The following ATP13A3 variants were observed in gnomAD, a reference collection of about 807,000 sequenced individuals.
The protein encoded by ATP13A3 is ATPase 13A3, also known as polyamine-transporting ATPase 13A3.
A neutral mutation model predicts 158.1 loss-of-function variants in ATP13A3; 59 were observed. That is an observed-to-expected ratio of 0.37 (90% confidence interval 0.30 to 0.46). The LOEUF is 0.46. ATP13A3 is among the 20% of genes least tolerant of loss of function. The pLI is 1.00. For missense variants in ATP13A3, 1,166 were observed against 1,525.2 expected (o/e 0.76, Z 3.92); for synonymous variants, 491 against 504.3 (o/e 0.97, Z 0.35).
chr3:194,472,248 A>G (rs529429329), intron 2 of ATP13A3, among the ~76,000 whole-genome samples: 4 of 150,610 alleles, frequency 2.7e-5, no homozygotes, highest in Admixed American at 2.0e-4. Flanking sequence ...AAATGTTAAT[A>G]AAAGTTTTGT....
chr3:194,467,437 T>C (rs1720060308), intron 2 of ATP13A3, among the ~76,000 whole-genome samples: 1 of 152,208 alleles, frequency 6.6e-6, no homozygotes, highest in Non-Finnish European at 1.5e-5. Context: ...ACCATTACTC[T>C]TTTTATGAGT....
Position 194,450,276 on chromosome 3 carries a change from T to G in ATP13A3, c.839A>C (p.Glu280Ala). 7 of 1,610,488 alleles carry G rather than the reference T, an allele frequency of 4.3e-6. No homozygotes were observed. The highest frequency in any genetic ancestry group is 5.9e-6 in the Non-Finnish European group (7 of 1,177,694). Reference protein sequence around the residue: ...VRVSVCRVNEEIEEIFSTDLV... With the variant: ...VRVSVCRVNEAIEEIFSTDLV... ...GTCGGTAGAAAAGATTTCTTCTATT[T>G]CTGAAATTAAAGAAAGAAAGAAAAA... Residue 280 changes from glutamate (E) to alanine (A), a missense_variant and splice_region_variant, in exon 11 of 34, where the codon GAA becomes GCA. By Grantham distance (107) the Glu-to-Ala change is moderately radical. Coordinates refer to ENST00000645319, the MANE Select transcript of ATP13A3 (RefSeq NM_001367549.1).
At chr3:194,455,237 A>G (rs1424039049) in intron 8 of ATP13A3, among the ~76,000 whole-genome samples, 1 of 151,696 alleles carries the variant, frequency 6.6e-6, no homozygotes, top group African/African-American at 2.4e-5. Context: ...AAAAGAGATA[A>G]AGGGAGACCT....
chr3:194,480,927 G>C (rs551367886), intron 2 of ATP13A3, among the ~76,000 whole-genome samples: 18 of 152,160 alleles, frequency 1.2e-4, no homozygotes, highest in Non-Finnish European at 2.2e-4. Context: ...GAGGATTCCA[G>C]CTCACCAAAA....
chr3:194,421,424 G>T (rs1289206230), intron 30 of ATP13A3, among the ~76,000 whole-genome samples: 1 of 150,060 alleles, frequency 6.7e-6, no homozygotes, highest in Non-Finnish European at 1.5e-5. Flanking sequence ...GTGGTGGCGG[G>T]TGCCTGTAGT....
intron 20 of ATP13A3, among the ~76,000 whole-genome samples, chr3:194,435,956 G>A (rs189630064): frequency 5.5e-4 from 83 of 152,180 alleles, no homozygotes; most frequent in South Asian, 4.8e-3. Context: ...TGTTTATGGG[G>A]GAAAATGGCA....
intron 24 of ATP13A3, 61 bp from the exon 25 acceptor site, chr3:194,430,376 T>C (rs1226685415): frequency 1.6e-5 from 24 of 1,520,374 alleles, no homozygotes; most frequent in Non-Finnish European, 2.2e-5. Context: ...ACATTTAACT[T>C]ATTAAGACTT....
chr3:194,434,538 A>G (rs1473891177), intron 20 of ATP13A3, among the ~76,000 whole-genome samples: 1 of 152,268 alleles, frequency 6.6e-6, no homozygotes, highest in African/African-American at 2.4e-5. Context: ...GGAAACAGAC[A>G]TGCAACCAAA....
intron 10 of ATP13A3, chr3:194,452,333 A>G (rs926514558): frequency 8.5e-5 from 13 of 152,248 alleles, no homozygotes; most frequent in Non-Finnish European, 1.5e-4. Context: ...TCTACTAAAA[A>G]TACAAAAAAC....
chr3:194,460,584 T>C, intron 4 of ATP13A3, 74 bp downstream of exon 4: 2 of 1,445,550 alleles, frequency 1.4e-6, no homozygotes, highest in Admixed American at 4.2e-5. Flanking sequence ...TCATCTATTA[T>C]TTCGAATAAA....
intron 6 of ATP13A3, among the ~76,000 whole-genome samples, chr3:194,458,194 A>G (rs765876330): frequency 4.6e-5 from 7 of 152,144 alleles, no homozygotes; most frequent in Non-Finnish European, 7.4e-5. Flanking sequence ...AGGAAAGCTA[A>G]GCTTCATAAT....
In ATP13A3 at chr3:194,448,575, T is replaced by A. The variant is rs770746276; in HGVS notation, c.1032A>T (p.Ile344=). 1.9e-6 allele frequency: 3 copies of A among 1,614,060 alleles called. No homozygotes were observed. The South Asian group carries it at 3.3e-5, about 18-fold the overall frequency. ...TTTCTGGATTATATAATTCATCTCCTATTCCTTTCACATCCACTGAAGGAT... is the reference window on the plus strand; with the variant it reads ...TTTCTGGATTATATAATTCATCTCCAATTCCTTTCACATCCACTGAAGGAT... The part of the protein sequence containing the change: ...LPNPSVDVKG[I]GDELYNPETH... The change falls in exon 12 of 34, where the codon ATA becomes ATT. Residue 344 remains isoleucine (I), a synonymous_variant. Coordinates refer to ENST00000645319, the MANE Select transcript of ATP13A3 (RefSeq NM_001367549.1). This position sits in a 1 kb window ranked among gnomAD's most constrained non-coding sequence, Gnocchi z 4.0.
intron 10 of ATP13A3, among the ~76,000 whole-genome samples, chr3:194,453,372 C>G (rs1251828902): frequency 6.7e-6 from 1 of 150,104 alleles, no homozygotes; most frequent in Non-Finnish European, 1.5e-5. Flanking sequence ...GTGGGCAGAT[C>G]ACTTCAGCCC....
chr3:194,446,788 A>T, intron 14 of ATP13A3, 139 bp downstream of exon 14: 3 of 792,756 alleles, frequency 3.8e-6, no homozygotes, highest in Non-Finnish European at 5.9e-6. Flanking sequence ...GCATATACCA[A>T]ATAAGTGGAG....
At chr3:194,444,671 A>G (rs1560093753) in intron 15 of ATP13A3, 54 bp downstream of exon 15, 2 of 1,429,326 alleles carry the variant, frequency 1.4e-6, no homozygotes, top group South Asian at 1.3e-5. Flanking sequence ...AATGTTGCAC[A>G]TGTTAAAATA....
At position 194,445,806 on chromosome 3, in the gene ATP13A3, T is replaced by G. The variant is rs116822023; in HGVS notation, c.1498-1020A>C. ...TGATAGAAGGTTTTCTGGTCAAAGT[T>G]TAATTCTCAGAAAACTTTAAAGAAA... is the stretch of plus-strand genomic sequence containing the variant. On this transcript the variant is annotated intron_variant, in intron 14 of 33. Transcript: ENST00000645319. 6.4e-3 allele frequency among the ~76,000 whole-genome samples: 982 copies of G among 152,304 alleles called. 2 individuals are homozygous for G. Among genetic ancestry groups the G allele is most frequent in the Middle Eastern group, 0.031 (9 of 294 alleles).
chr3:194,419,835 A>G, intron 31 of ATP13A3, 44 bp downstream of exon 31: 1 of 1,543,860 alleles, frequency 6.5e-7, no homozygotes, highest in Non-Finnish European at 8.6e-7. Flanking sequence ...AAATGTATAC[A>G]GGTTAGTCTT....
chr3:194,460,579 T>C, intron 4 of ATP13A3, 79 bp downstream of exon 4: 2 of 1,409,588 alleles, frequency 1.4e-6, no homozygotes, highest in South Asian at 2.8e-5. Context: ...TCCCTTCATC[T>C]ATTATTTCGA....
chr3:194,456,328 AT>A (rs35825895), intron 7 of ATP13A3, among the ~76,000 whole-genome samples: 20,356 of 149,560 alleles, frequency 0.14, 2,367 homozygotes, highest in African/African-American at 0.31. Context: ...GAGGGATCTT[AT>A]TTTTTTTTTA....
Sources: allele counts gnomAD v4.1 joint callset (sites outside exome capture counted in the v4.1 genomes callset), GRCh38; gene constraint gnomAD v4.1.1; non-coding constraint Gnocchi (gnomAD v3.1); transcripts MANE v1.5; gene names NCBI Gene and HGNC (gene_info 2026-07-23, HGNC 2026-07-21).